Variants in CCDC158 observed in about 807,000 individuals in gnomAD.
CCDC158 encodes the protein coiled-coil domain-containing protein 158.
Under a neutral mutation model 138.6 loss-of-function variants are expected in CCDC158, and 116 were observed. That is an observed-to-expected ratio of 0.84 (90% CI 0.72 to 0.98). The LOEUF (loss-of-function observed/expected upper bound fraction) is 0.98, where lower values mean the gene tolerates loss of function less well. CCDC158 is among the 50% of genes least tolerant of loss of function. The probability of loss-of-function intolerance (pLI) is 0.00; values close to 1 mark genes in which losing one functional copy is unlikely to be tolerated. For missense variants in CCDC158, 1,265 were observed against 1,306.1 expected (o/e 0.97, Z 0.48); for synonymous variants, 436 against 442.4 (o/e 0.99, Z 0.18).
At position 76,334,023 on chromosome 4, in the gene CCDC158, AG is replaced by A. The variant is rs1721238976; in HGVS notation, c.2808del (p.Leu937CysfsTer5). The A allele has an allele frequency of 5.0e-6, 8 of 1,610,788 alleles. No individual in the cohort carries two copies. Among genetic ancestry groups the A allele is most frequent in the Non-Finnish European group, 6.8e-6 (8 of 1,178,078 alleles). Reference sequence around the variant, plus strand: ...ACACAGCCTTACACAGCCACATACAAGGCTCCCAGAGATGTTCTTCCATCTT... The same window carrying A: ...ACACAGCCTTACACAGCCACATACAAGCTCCCAGAGATGTTCTTCCATCTT... ...TEEDGRTSLG[A>X]LYVAVEDRVR... On this transcript the variant is annotated frameshift_variant, in exon 19 of 25. Coordinates refer to ENST00000682701, the MANE Select transcript of CCDC158 (RefSeq NM_001394954.1). LOFTEE classifies it high-confidence loss of function.
At chr4:76,326,456 A>G (rs1720540112) in intron 22 of CCDC158, among the ~76,000 whole-genome samples, 1 of 152,142 alleles carries the variant, frequency 6.6e-6, no homozygotes, top group Admixed American at 6.5e-5. Context: ...AATATAAATA[A>G]CGACATAGAT....
chr4:76,396,561 G>T, intron 3 of CCDC158, 75 bp from the exon 4 acceptor site: 1 of 1,097,258 alleles, frequency 9.1e-7, no homozygotes, highest in Non-Finnish European at 1.3e-6. Flanking sequence ...GCCCAGGCTG[G>T]AGTGCAATGG....
intron 24 of CCDC158, among the ~76,000 whole-genome samples, chr4:76,319,743 C>G (rs940658011): frequency 1.1e-4 from 17 of 151,606 alleles, no homozygotes; most frequent in Admixed American, 5.3e-4. Context: ...ATCCAGCATC[C>G]CTTTATAATG....
intron 18 of CCDC158, among the ~76,000 whole-genome samples, chr4:76,336,580 T>C (rs944340384): frequency 1.3e-5 from 2 of 152,208 alleles, no homozygotes; most frequent in Admixed American, 6.5e-5. Context: ...TTAATTTTTG[T>C]ATAGCTTCAA....
chr4:76,349,517 A>C (rs1722861112), intron 18 of CCDC158, among the ~76,000 whole-genome samples: 1 of 152,082 alleles, frequency 6.6e-6, no homozygotes, highest in African/African-American at 2.4e-5. Context: ...AAAAATACAA[A>C]AATTAGCCAG....
chr4:76,332,337 T>C (rs1721078085), intron 20 of CCDC158, 95 bp downstream of exon 20: 1 of 1,015,478 alleles, frequency 9.8e-7, no homozygotes, highest in East Asian at 2.5e-5. Context: ...TTAAGTGTCA[T>C]GTAAACTTAT....
chr4:76,313,618 G>A lies in CCDC158; in HGVS notation c.3278-372C>T, dbSNP rs1449621877. Among the ~76,000 whole-genome samples the A allele has an allele frequency of 2.0e-5, 3 of 152,104 alleles. No homozygotes were observed. The East Asian group carries it at 5.8e-4, about 29-fold the overall frequency. On this transcript the variant is annotated intron_variant, in intron 24 of 24. Transcript: ENST00000682701. ...GTTGTTTTAAATGGGCATGATAATT[G>A]TAAAAGTAATACTAATTGTAAATAA... is the stretch of plus-strand genomic sequence containing the variant.
At chr4:76,407,106 C>T (rs1450144817) in intron 2 of CCDC158, 4 of 152,034 alleles carry the variant, frequency 2.6e-5, no homozygotes, top group South Asian at 2.1e-4. Flanking sequence ...TCATGTAACA[C>T]GCTGCTTATC....
intron 2 of CCDC158, among the ~76,000 whole-genome samples, chr4:76,410,452 T>A (rs995428891): frequency 2.6e-5 from 4 of 152,216 alleles, no homozygotes; most frequent in Non-Finnish European, 4.4e-5. Context: ...CCCAAAGTGC[T>A]GGGATTACAG....
At chr4:76,399,356 C>T (rs1443941588) in intron 3 of CCDC158, among the ~76,000 whole-genome samples, 7 of 152,208 alleles carry the variant, frequency 4.6e-5, no homozygotes, top group South Asian at 2.1e-4. Flanking sequence ...CTAATGCATA[C>T]GGGCTTAATA....
chr4:76,396,509 A>G, intron 3 of CCDC158, 23 bp from the exon 4 acceptor site: 1 of 1,567,050 alleles, frequency 6.4e-7, no homozygotes, highest in Non-Finnish European at 8.7e-7. Context: ...GAATTCATTA[A>G]TTAACTTTTC....
chr4:76,328,495 A>T (rs1720725049), intron 22 of CCDC158, among the ~76,000 whole-genome samples: 1 of 152,164 alleles, frequency 6.6e-6, no homozygotes, highest in Admixed American at 6.5e-5. Context: ...TGTTGCCCAG[A>T]CTGGTCTTGA....
At chr4:76,361,280 G>A (rs1354184694) in intron 13 of CCDC158, among the ~76,000 whole-genome samples, 1 of 152,178 alleles carries the variant, frequency 6.6e-6, no homozygotes, top group Non-Finnish European at 1.5e-5. Context: ...TACCCAGTCT[G>A]GGCTGGGTGG....
intron 11 of CCDC158, among the ~76,000 whole-genome samples, chr4:76,368,486 C>T (rs1265432821): frequency 1.3e-5 from 2 of 152,210 alleles, no homozygotes; most frequent in Admixed American, 1.3e-4. Flanking sequence ...AAGCCAAGAC[C>T]AGTCCCTTGG....
intron 1 of CCDC158, among the ~76,000 whole-genome samples, chr4:76,415,838 G>C (rs1364527011): frequency 6.6e-6 from 1 of 152,190 alleles, no homozygotes; most frequent in Non-Finnish European, 1.5e-5. Flanking sequence ...TCTAGTGGTA[G>C]CGTCAGTGTC....
chr4:76,352,627 C>T (rs1003320999), intron 16 of CCDC158: 1 of 152,232 alleles, frequency 6.6e-6, no homozygotes, highest in East Asian at 1.9e-4. Flanking sequence ...TATTTCTCTA[C>T]AATAAACGGC....
intron 22 of CCDC158, 55 bp downstream of exon 22, chr4:76,328,845 G>T: frequency 6.9e-7 from 1 of 1,439,842 alleles, no homozygotes; most frequent in Non-Finnish European, 9.8e-7. Flanking sequence ...TTTTACCCTC[G>T]TGGAAATGGG....
chr4:76,331,858 C>G (rs1015436082), intron 20 of CCDC158, among the ~76,000 whole-genome samples: 7 of 152,116 alleles, frequency 4.6e-5, no homozygotes, highest in African/African-American at 1.7e-4. Flanking sequence ...CAAGTAATAG[C>G]TATAGTGTCT....
intron 12 of CCDC158, among the ~76,000 whole-genome samples, chr4:76,366,538 T>C (rs770028714): frequency 4.3e-4 from 66 of 151,948 alleles, no homozygotes; most frequent in Non-Finnish European, 6.3e-4. Flanking sequence ...CACAAAAATA[T>C]GGGGCAGGAG....
Sources: gnomAD v4.1 joint callset for allele counts (sites outside exome capture counted in the v4.1 genomes callset) on GRCh38, gnomAD v4.1.1 for gene constraint, MANE v1.5 for transcripts, NCBI Gene and HGNC (gene_info 2026-07-23, HGNC 2026-07-21) for gene names.